Variants in STS observed in about 807,000 individuals in gnomAD.
STS encodes steryl-sulfatase.
Under a neutral mutation model 26.8 loss-of-function variants are expected in STS, and 7 were observed. The ratio of observed to expected loss-of-function variants is 0.26; its 90% CI spans 0.15 to 0.49. The LOEUF is 0.49. Among genes scored for constraint, STS ranks in the 20% least tolerant of loss-of-function variants. The probability of loss-of-function intolerance (pLI) is 0.98; values close to 1 mark genes in which losing one functional copy is unlikely to be tolerated. For synonymous variants in STS, 199 were observed against 189.4 expected, an observed-to-expected ratio of 1.05 and a Z score of -0.42; for missense variants, 434 against 465.6, an observed-to-expected ratio of 0.93 and a Z score of 0.63.
rs555809668 is a variant in STS at position 7,353,981 on chromosome X, C to T, written c.*3720C>T. ...CTGAGGCTTCATGGACAAAGATTCTCCACTTGGCCAAACTTTAGCCAAGCT... is the reference window on the plus strand; with the variant it reads ...CTGAGGCTTCATGGACAAAGATTCTTCACTTGGCCAAACTTTAGCCAAGCT... On this transcript the variant is annotated 3_prime_UTR_variant, in exon 11 of 11. Coordinates refer to ENST00000674429, the MANE Select transcript of STS (RefSeq NM_001320752.2). 5.4e-5 allele frequency: 6 copies of T among 112,098 alleles called. No homozygotes were observed. Among genetic ancestry groups the T allele is most frequent in the African/African-American group, 1.9e-4 (6 of 30,881 alleles). 9.2% of individuals were successfully genotyped at this position (112,098 alleles called of 1,213,427 possible).
chrX:7,158,154 C>T (rs1287432123), intron 1 of STS, among the ~76,000 whole-genome samples: 2 of 111,711 alleles, frequency 1.8e-5, no homozygotes, highest in Non-Finnish European at 3.8e-5. Flanking sequence ...TTCAGCGACA[C>T]TCCTCAGAGA....
chrX:7,193,115 G>A (rs754206194), intron 2 of STS, among the ~76,000 whole-genome samples: 2 of 112,324 alleles, frequency 1.8e-5, no homozygotes, highest in South Asian at 3.7e-4. Flanking sequence ...AGGATTCTCC[G>A]TCTGAAAGCA....
chrX:7,227,795 ATGTT>A (rs1161998404), intron 2 of STS, among the ~76,000 whole-genome samples: 1 of 111,910 alleles, frequency 8.9e-6, no homozygotes, highest in Non-Finnish European at 1.9e-5. Context: ...TGCTGATACA[ATGTT>A]TGACTGCAGG....
At chrX:7,321,393 A>G (rs1927024559) in intron 8 of STS, among the ~76,000 whole-genome samples, 1 of 112,091 alleles carries the variant, frequency 8.9e-6, no homozygotes, top group South Asian at 3.7e-4. Context: ...GATTACCTAT[A>G]TAACAAACCT....
chrX:7,205,015 G>A (rs1934176493), intron 2 of STS, among the ~76,000 whole-genome samples: 2 of 111,911 alleles, frequency 1.8e-5, no homozygotes, highest in African/African-American at 6.5e-5. Flanking sequence ...ATGGCCCTAG[G>A]CCAGGTGCTT....
rs145053994 is a variant in STS, at chrX:7,307,715, A to G, written c.1081+2532A>G. On this transcript the variant is annotated intron_variant, in intron 8 of 10. Transcript: ENST00000674429. ...AAATTTGGGGTCAGCAAAAACAAACATGATATCTGGCCTGTGGGCGTGGCT... is the reference window on the plus strand; with the variant it reads ...AAATTTGGGGTCAGCAAAAACAAACGTGATATCTGGCCTGTGGGCGTGGCT... 2.7e-5 allele frequency among the ~76,000 whole-genome samples: 3 copies of G among 111,850 alleles called. No individual in the cohort carries two copies. The East Asian group carries it at 8.5e-4, about 32-fold the overall frequency.
In STS at chrX:7,254,877, C is replaced by T. The variant is rs1207203164; in HGVS notation, c.137+1541C>T. Among the ~76,000 whole-genome samples, 5 of 111,377 alleles carry T rather than the reference C, an allele frequency of 4.5e-5. No homozygotes were observed. In the Admixed American group the frequency reaches 4.8e-4, roughly 11 times the overall value. On this transcript the variant is annotated intron_variant, in intron 3 of 10. Coordinates refer to ENST00000674429, the MANE Select transcript of STS (RefSeq NM_001320752.2). ...GGGTTACAGGCATGAGCCACTGCGC[C>T]GGCCCAGAACTTTCTTGTAGGATAT...
chrX:7,299,014 A>G (rs1240321553), intron 7 of STS, among the ~76,000 whole-genome samples: 2 of 66,205 alleles, frequency 3.0e-5, no homozygotes, highest in African/African-American at 1.2e-4. Flanking sequence ...ATATTTATAT[A>G]TATATAAATA....
intron 2 of STS, among the ~76,000 whole-genome samples, chrX:7,221,940 A>G (rs2147050429): frequency 9.0e-6 from 1 of 111,374 alleles, no homozygotes; most frequent in Non-Finnish European, 1.9e-5. Context: ...CCCCAAAATG[A>G]TGGTATTTGG....
rs1288629123 is a variant in STS, at chrX:7,249,721, A to G, written c.-4-3475A>G. Among the ~76,000 whole-genome samples, 6 of 111,730 alleles carry G rather than the reference A, an allele frequency of 5.4e-5. No individual in the cohort carries two copies. In the Admixed American group the frequency reaches 5.7e-4, roughly 11 times the overall value. On this transcript the variant is annotated intron_variant, in intron 2 of 10. Coordinates refer to ENST00000674429, the MANE Select transcript of STS (RefSeq NM_001320752.2). ...GCTAGTCTAGATACCACAGCTTGCTATGAGTATGACTAGGGCAATTCATTG... is the reference window on the plus strand; with the variant it reads ...GCTAGTCTAGATACCACAGCTTGCTGTGAGTATGACTAGGGCAATTCATTG...
chrX:7,272,291 C>T (rs1286215648), intron 6 of STS, among the ~76,000 whole-genome samples: 1 of 107,306 alleles, frequency 9.3e-6, no homozygotes, highest in East Asian at 3.0e-4. Context: ...GAGATGACCC[C>T]TTCAAAGTAA....
chrX:7,229,167 A>T (rs1371506425), intron 2 of STS, among the ~76,000 whole-genome samples: 1 of 112,590 alleles, frequency 8.9e-6, no homozygotes, highest in Admixed American at 9.4e-5. Flanking sequence ...TGATTATAAA[A>T]AATAGTGGAG....
intron 7 of STS, among the ~76,000 whole-genome samples, chrX:7,285,894 A>G (rs538316045): frequency 2.7e-5 from 3 of 111,959 alleles, no homozygotes; most frequent in South Asian, 7.5e-4. Flanking sequence ...GATGAAATCT[A>G]TGGCCACTGA....
At chrX:7,302,994 C>T (rs1926042407) in intron 7 of STS, among the ~76,000 whole-genome samples, 1 of 111,307 alleles carries the variant, frequency 9.0e-6, no homozygotes, top group Admixed American at 9.5e-5. Flanking sequence ...AGGCTTATTA[C>T]TCATATAATG....
At chrX:7,245,305 T>G (rs1211988987) in intron 2 of STS, among the ~76,000 whole-genome samples, 2 of 112,290 alleles carry the variant, frequency 1.8e-5, no homozygotes, top group African/African-American at 6.5e-5. Context: ...ATCTTCTCTG[T>G]GCCCCGTAAA....
intron 7 of STS, among the ~76,000 whole-genome samples, chrX:7,286,740 G>A (rs1156287630): frequency 9.0e-6 from 1 of 111,589 alleles, no homozygotes; most frequent in Non-Finnish European, 1.9e-5. Flanking sequence ...TTTAAAAACC[G>A]CCAGTTACAT....
intron 8 of STS, among the ~76,000 whole-genome samples, chrX:7,323,421 T>C (rs1166014696): frequency 9.0e-6 from 1 of 111,154 alleles, no homozygotes; most frequent in Non-Finnish European, 1.9e-5. Flanking sequence ...TTGCCAACTT[T>C]ATGTTTATGA....
intron 2 of STS, among the ~76,000 whole-genome samples, chrX:7,214,885 T>C (rs1921176368): frequency 9.7e-6 from 1 of 103,575 alleles, no homozygotes; most frequent in Non-Finnish European, 2.0e-5. Flanking sequence ...TTCATTCCTT[T>C]TTATGGCTGT....
intron 8 of STS, among the ~76,000 whole-genome samples, chrX:7,306,015 A>G (rs750879509): frequency 4.5e-5 from 5 of 111,718 alleles, no homozygotes; most frequent in East Asian, 2.8e-4. Flanking sequence ...ACACTTTTCA[A>G]AAATTTTTTT....
Sources: gnomAD v4.1 joint callset for allele counts (sites outside exome capture counted in the v4.1 genomes callset) on GRCh38, gnomAD v4.1.1 for gene constraint, MANE v1.5 for transcripts, NCBI Gene and HGNC (gene_info 2026-07-23, HGNC 2026-07-21) for gene names.